GABRA1: variants seen among roughly 807,000 people sequenced by gnomAD.
GABRA1 encodes the protein gamma-aminobutyric acid receptor subunit alpha-1.
A neutral mutation model predicts 48.9 loss-of-function variants in GABRA1; 9 were observed. The observed-to-expected ratio is 0.18, with a 90% CI of 0.11 to 0.32. The LOEUF is 0.32. Among genes scored for constraint, GABRA1 ranks in the 10% least tolerant of loss-of-function variants. GABRA1 has a pLI of 1.00. For synonymous variants in GABRA1, 210 were observed against 198.7 expected (o/e 1.06, Z -0.48); for missense variants, 285 against 553.8 (o/e 0.51, Z 4.87).
At chr5:161,888,080 A>G (rs926865719) in intron 7 of GABRA1, among the ~76,000 whole-genome samples, 34 of 152,092 alleles carry the variant, frequency 2.2e-4, no homozygotes, top group African/African-American at 8.2e-4. Flanking sequence ...AATATATCAG[A>G]AATATTGTCA....
In GABRA1 at chr5:161,893,042, T is replaced by TAAA. The variant is rs1230368788; in HGVS notation, c.856+1994_856+1995insAAA. Among the ~76,000 whole-genome samples the TAAA allele has an allele frequency of 9.0e-4, 118 of 130,398 alleles. 2 individuals carry two copies. The South Asian group carries it at 0.016, about 18-fold the overall frequency. The allele number at this position is 130,398 out of a possible 152,430, so 85.5% of individuals were successfully genotyped here. A position where few individuals can be genotyped will look rare whatever the true frequency, so the allele number is the denominator to read the frequency against. On this transcript the variant is annotated intron_variant, in intron 8 of 9. Coordinates refer to ENST00000393943, the MANE Select transcript of GABRA1 (RefSeq NM_001127644.2). Reference sequence around the variant, plus strand: ...ATAATAATAATAATAATAATAATAATAATAATAAAATAAACACAGGACATA... The same window carrying TAAA: ...ATAATAATAATAATAATAATAATAATAAAAATAATAAAATAAACACAGGACATA...
chr5:161,872,325 T>G (rs1259612534), intron 4 of GABRA1: 1 of 152,640 alleles, frequency 6.6e-6, no homozygotes, highest in African/African-American at 2.4e-5. Context: ...CTCTGGGTAT[T>G]GCCATAAGGA....
rs970800727 is a variant in GABRA1, at chr5:161,899,501, T to C, written c.*2079T>C. 6.6e-6 allele frequency: 1 copy of C among 152,180 alleles called. No homozygotes were observed. Among genetic ancestry groups the C allele is most frequent in the Non-Finnish European group, 1.5e-5 (1 of 68,002 alleles). 9.4% of individuals were successfully genotyped at this position (152,180 alleles called of 1,614,324 possible). A position where few individuals can be genotyped will look rare whatever the true frequency, so the allele number is the denominator to read the frequency against. On this transcript the variant is annotated 3_prime_UTR_variant, in exon 10 of 10. Transcript: ENST00000393943. ...CCTTCCAGACTTCTCATGGCTAACT[T>C]TTGGTCTGTATTTTGCTCCTTAGAT... is the stretch of plus-strand genomic sequence containing the variant.
chr5:161,877,113 T>G (rs2113394425), intron 6 of GABRA1, among the ~76,000 whole-genome samples: 1 of 152,212 alleles, frequency 6.6e-6, no homozygotes, highest in Admixed American at 6.5e-5. Flanking sequence ...TTGTAACTTT[T>G]TTGTATGGTT....
intron 3 of GABRA1, among the ~76,000 whole-genome samples, chr5:161,856,696 A>T (rs1245010369): frequency 6.6e-6 from 1 of 150,994 alleles, no homozygotes. Flanking sequence ...TTTTTTTGGA[A>T]TTTTTTTTAA....
At chr5:161,886,966 C>T (rs2113431546) in intron 7 of GABRA1, among the ~76,000 whole-genome samples, 1 of 152,076 alleles carries the variant, frequency 6.6e-6, no homozygotes, top group Admixed American at 6.6e-5. Context: ...AAAATTACTA[C>T]AGTGACTTAA....
chr5:161,895,041 TGTGA>T (rs1395424436), intron 8 of GABRA1, among the ~76,000 whole-genome samples: 1 of 151,758 alleles, frequency 6.6e-6, no homozygotes, highest in Non-Finnish European at 1.5e-5. Flanking sequence ...TATATATATA[TGTGA>T]GTGTGTGTCT....
At chr5:161,887,243 T>C (rs925162828) in intron 7 of GABRA1, among the ~76,000 whole-genome samples, 3 of 152,160 alleles carry the variant, frequency 2.0e-5, no homozygotes, top group African/African-American at 7.2e-5. Flanking sequence ...ATTCTCTTTT[T>C]TGGACACAGA....
At chr5:161,856,754 T>C (rs1757661792) in intron 3 of GABRA1, among the ~76,000 whole-genome samples, 1 of 151,156 alleles carries the variant, frequency 6.6e-6, no homozygotes, top group South Asian at 2.1e-4. Context: ...ATCTACAGAG[T>C]CATCAACATT....
intron 4 of GABRA1, among the ~76,000 whole-genome samples, chr5:161,871,253 A>G (rs1316901339): frequency 6.6e-6 from 1 of 152,132 alleles, no homozygotes; most frequent in Non-Finnish European, 1.5e-5. Flanking sequence ...CAAGCAAATA[A>G]AATGAACCAA....
intron 1 of GABRA1, among the ~76,000 whole-genome samples, chr5:161,849,439 C>T (rs529642286): frequency 6.6e-6 from 1 of 152,244 alleles, no homozygotes; most frequent in Admixed American, 6.5e-5. Flanking sequence ...TAATCTGTTT[C>T]AAAACCAGTC....
intron 6 of GABRA1, chr5:161,882,319 C>T (rs950681065): frequency 5.5e-6 from 3 of 549,756 alleles, no homozygotes; most frequent in Admixed American, 6.2e-5. Flanking sequence ...ATCCCCAGCA[C>T]AGTATTTTGT....
intron 6 of GABRA1, among the ~76,000 whole-genome samples, chr5:161,878,886 C>T (rs921108840): frequency 6.6e-6 from 1 of 152,062 alleles, no homozygotes; most frequent in Non-Finnish European, 1.5e-5. Flanking sequence ...TGCAAACACA[C>T]TGAGAGGAAT....
chr5:161,877,518 T>G (rs990080049), intron 6 of GABRA1, among the ~76,000 whole-genome samples: 3 of 152,176 alleles, frequency 2.0e-5, no homozygotes, highest in Non-Finnish European at 4.4e-5. Context: ...CAATTCTGTT[T>G]GTGATAGAAG....
intron 4 of GABRA1, among the ~76,000 whole-genome samples, chr5:161,867,787 A>G (rs1010791840): frequency 1.3e-5 from 2 of 152,142 alleles, no homozygotes; most frequent in East Asian, 3.8e-4. Flanking sequence ...TATTAGTCCA[A>G]TAAAAAATTG....
Position 161,879,657 on chromosome 5 carries a change from T to G in GABRA1, c.560-2901T>G, listed in dbSNP as rs139975733. Among the ~76,000 whole-genome samples the G allele has an allele frequency of 1.8e-3, 276 of 152,258 alleles. 1 individual carries two copies. The highest frequency in any genetic ancestry group is 6.2e-3 in the African/African-American group (259 of 41,554). On this transcript the variant is annotated intron_variant, in intron 6 of 9. Coordinates refer to ENST00000393943, the MANE Select transcript of GABRA1 (RefSeq NM_001127644.2). ...GTATTCTCCATCTTAAAATACTAAC[T>G]TGCATCAGGTGAATCTACCCTTCAT...
intron 4 of GABRA1, among the ~76,000 whole-genome samples, chr5:161,870,153 T>C (rs1192126153): frequency 6.6e-6 from 1 of 152,128 alleles, no homozygotes; most frequent in African/African-American, 2.4e-5. Flanking sequence ...AACTGGGGAC[T>C]TAGCAAGCGT....
chr5:161,893,502 GA>G lies in GABRA1; in HGVS notation c.857-2157del, dbSNP rs563358106. 4.5e-3 allele frequency among the ~76,000 whole-genome samples: 687 copies of G among 151,706 alleles called. 4 individuals are homozygous for G. The highest frequency in any genetic ancestry group is 0.015 in the African/African-American group (633 of 41,362). On this transcript the variant is annotated intron_variant, in intron 8 of 9. Transcript: ENST00000393943. ...TAAAAGGATCATGTAGATTCAAAAA[GA>G]AAAAAACAAAAGAACCAAACAAACA...
At chr5:161,874,290 C>A (rs1754249976) in intron 5 of GABRA1, among the ~76,000 whole-genome samples, 2 of 152,196 alleles carry the variant, frequency 1.3e-5, no homozygotes, top group South Asian at 4.1e-4. Context: ...AGAAAAAATT[C>A]TTCAAGAGAC....
Sources: gnomAD v4.1 joint callset for allele counts (sites outside exome capture counted in the v4.1 genomes callset) on GRCh38, gnomAD v4.1.1 for gene constraint, MANE v1.5 for transcripts, NCBI Gene and HGNC (gene_info 2026-07-23, HGNC 2026-07-21) for gene names.